COL19A1: variants seen among roughly 807,000 people sequenced by gnomAD.
The protein encoded by COL19A1 is collagen type XIX alpha 1 chain, also known as collagen alpha-1(XIX) chain.
A neutral mutation model predicts 190.2 loss-of-function variants in COL19A1; 159 were observed. The ratio of observed to expected loss-of-function variants is 0.84; its 90% CI spans 0.73 to 0.95. The LOEUF is 0.95. Among genes scored for constraint, COL19A1 ranks in the 40% least tolerant of loss-of-function variants. The probability of loss-of-function intolerance (pLI) is 0.00; values close to 1 mark genes in which losing one functional copy is unlikely to be tolerated. For synonymous variants in COL19A1, 509 were observed against 458.9 expected, an observed-to-expected ratio of 1.11 and a Z score of -1.39; for missense variants, 1,418 against 1,431.9, an observed-to-expected ratio of 0.99 and a Z score of 0.16.
chr6:69,878,277 A>G (rs1457966932), intron 1 of COL19A1, among the ~76,000 whole-genome samples: 3 of 151,662 alleles, frequency 2.0e-5, no homozygotes, highest in Non-Finnish European at 2.9e-5. Context: ...TCAGTGGCAC[A>G]ATCTCAGCTC....
intron 9 of COL19A1, among the ~76,000 whole-genome samples, chr6:69,954,789 A>G (rs1774316697): frequency 6.6e-6 from 1 of 152,038 alleles, no homozygotes; most frequent in Non-Finnish European, 1.5e-5. Context: ...CCATATCTTC[A>G]TAACCATTTA....
chr6:69,967,731 C>G (rs972176441), intron 11 of COL19A1, among the ~76,000 whole-genome samples: 1 of 151,942 alleles, frequency 6.6e-6, no homozygotes, highest in African/African-American at 2.4e-5. Flanking sequence ...AATTAGAAAA[C>G]TGTGTTTAAA....
intron 11 of COL19A1, among the ~76,000 whole-genome samples, chr6:69,987,746 C>G (rs936929335): frequency 6.6e-6 from 1 of 152,186 alleles, no homozygotes; most frequent in Non-Finnish European, 1.5e-5. Flanking sequence ...TAAGGATTCC[C>G]TGCCATGCTT....
intron 36 of COL19A1, among the ~76,000 whole-genome samples, chr6:70,163,650 T>A (rs1385645026): frequency 6.6e-6 from 1 of 152,174 alleles, no homozygotes; most frequent in East Asian, 1.9e-4. Context: ...GGATTCAGAA[T>A]CCTGGGCAAC....
At chr6:70,047,919 A>G (rs1779995502) in intron 14 of COL19A1, among the ~76,000 whole-genome samples, 1 of 152,010 alleles carries the variant, frequency 6.6e-6, no homozygotes, top group Non-Finnish European at 1.5e-5. Context: ...GAACAGTGCT[A>G]TTTCATGTAA....
At chr6:70,179,544 TG>T (rs1397115739) in intron 42 of COL19A1, among the ~76,000 whole-genome samples, 1 of 152,196 alleles carries the variant, frequency 6.6e-6, no homozygotes, top group Non-Finnish European at 1.5e-5. Flanking sequence ...CAACAAAACA[TG>T]GCTTTTCAAA....
At chr6:69,992,483 GA>G (rs1009386342) in intron 11 of COL19A1, among the ~76,000 whole-genome samples, 54 of 150,506 alleles carry the variant, frequency 3.6e-4, no homozygotes, top group African/African-American at 8.5e-4. Flanking sequence ...TTTAAAAAAA[GA>G]AAAAAAAATG....
At chr6:69,942,334 C>G (rs1773525417) in intron 9 of COL19A1, among the ~76,000 whole-genome samples, 1 of 152,112 alleles carries the variant, frequency 6.6e-6, no homozygotes, top group African/African-American at 2.4e-5. Flanking sequence ...GGATAATTAA[C>G]ATGTCCATCA....
chr6:70,144,090 C>A, intron 23 of COL19A1, 120 bp from the exon 24 acceptor site: 1 of 761,292 alleles, frequency 1.3e-6, no homozygotes, highest in Non-Finnish European at 2.0e-6. Flanking sequence ...AATCCAACTC[C>A]TTCTATTAAT....
intron 44 of COL19A1, among the ~76,000 whole-genome samples, 185 bp downstream of exon 44, chr6:70,180,708 T>C: frequency 6.6e-6 from 1 of 152,212 alleles, no homozygotes; most frequent in East Asian, 1.9e-4. Context: ...CTGTGTGTGG[T>C]ATCTTTATGT....
At chr6:69,887,484 C>A (rs1561964311) in intron 2 of COL19A1, among the ~76,000 whole-genome samples, 2 of 152,094 alleles carry the variant, frequency 1.3e-5, no homozygotes, top group Admixed American at 6.5e-5. Flanking sequence ...TATATTTATA[C>A]CCCTGTGTAA....
intron 11 of COL19A1, among the ~76,000 whole-genome samples, chr6:69,988,413 T>C (rs1562063936): frequency 6.6e-6 from 1 of 152,234 alleles, no homozygotes; most frequent in Non-Finnish European, 1.5e-5. Flanking sequence ...CTCCACCATA[T>C]GTGGGCTTTT....
intron 16 of COL19A1, among the ~76,000 whole-genome samples, chr6:70,119,251 T>C (rs755324937): frequency 6.6e-6 from 1 of 152,164 alleles, no homozygotes; most frequent in Non-Finnish European, 1.5e-5. Context: ...TGTTTTGTAA[T>C]ATTCAGGGAT....
In COL19A1 at chr6:70,153,658, G is replaced by A. The variant is rs181386657; in HGVS notation, c.2079+2220G>A. ...ATGTTGCTCCATATTGATATGCCAA[G>A]GTTTTGCTCCATATTGAGATGCCAT... On this transcript the variant is annotated intron_variant, in intron 31 of 50. Transcript: ENST00000620364. Among the ~76,000 whole-genome samples the A allele has an allele frequency of 5.3e-3, 811 of 152,128 alleles. 4 individuals are homozygous for A. The highest frequency in any genetic ancestry group is 8.4e-3 in the Non-Finnish European group (569 of 67,966).
intron 2 of COL19A1, among the ~76,000 whole-genome samples, chr6:69,892,976 T>C (rs60536675): frequency 0.17 from 25,176 of 152,192 alleles, 2,627 homozygotes; most frequent in African/African-American, 0.29. Context: ...CCAAATTCTA[T>C]AGGAACCAGG....
At chr6:69,913,507 G>A (rs1170042400) in intron 4 of COL19A1, among the ~76,000 whole-genome samples, 1 of 152,210 alleles carries the variant, frequency 6.6e-6, no homozygotes, top group African/African-American at 2.4e-5. Context: ...CATAGAGGAA[G>A]TGAAAAGTTG....
intron 11 of COL19A1, among the ~76,000 whole-genome samples, chr6:70,002,610 T>A (rs1290643130): frequency 6.7e-6 from 1 of 150,080 alleles, no homozygotes; most frequent in Non-Finnish European, 1.5e-5. Flanking sequence ...TATATTTATA[T>A]ATATATATAT....
At chr6:70,087,099 A>G (rs1489131183) in intron 15 of COL19A1, among the ~76,000 whole-genome samples, 3 of 152,200 alleles carry the variant, frequency 2.0e-5, no homozygotes, top group Admixed American at 6.6e-5. Flanking sequence ...GACAAAGACT[A>G]TATGTCTCAC....
chr6:69,935,252 C>T (rs115610073), intron 7 of COL19A1, among the ~76,000 whole-genome samples: 1,702 of 152,112 alleles, frequency 0.011, 34 homozygotes, highest in African/African-American at 0.039. Context: ...AGAGGTTTTA[C>T]GAGGAGAAGA....
Sources: gnomAD v4.1 joint callset for allele counts (sites outside exome capture counted in the v4.1 genomes callset) on GRCh38, gnomAD v4.1.1 for gene constraint, MANE v1.5 for transcripts, NCBI Gene and HGNC (gene_info 2026-07-23, HGNC 2026-07-21) for gene names.